Variants in LYRM4 observed in about 807,000 individuals in gnomAD.
LYRM4 encodes LYR motif containing 4.
LYRM4 carries 9 observed loss-of-function variants against 11.7 expected under a neutral mutation model. That is an observed-to-expected ratio of 0.77 (90% CI 0.46 to 1.34). LYRM4 has a LOEUF of 1.34. Among genes scored for constraint, LYRM4 ranks in the 40% most tolerant of loss-of-function variants. The pLI, the probability that LYRM4 is intolerant of heterozygous loss-of-function variation, is 0.00. For synonymous variants in LYRM4, 42 were observed against 40.4 expected (o/e 1.04, Z -0.15); for missense variants, 133 against 112.5 (o/e 1.18, Z -0.82).
At chr6:5,129,836 C>A (rs1763867483) in intron 2 of LYRM4, among the ~76,000 whole-genome samples, 1 of 152,188 alleles carries the variant, frequency 6.6e-6, no homozygotes, top group African/African-American at 2.4e-5. Flanking sequence ...ACTCCACCAG[C>A]CACACTGAAG....
chr6:5,225,068 G>A (rs1441264476), intron 1 of LYRM4, among the ~76,000 whole-genome samples: 1 of 152,032 alleles, frequency 6.6e-6, no homozygotes. Flanking sequence ...GGCCAACATG[G>A]AGAAACCCCG....
At chr6:5,240,177 A>C (rs1057200622) in intron 1 of LYRM4, among the ~76,000 whole-genome samples, 1 of 151,734 alleles carries the variant, frequency 6.6e-6, no homozygotes, top group Non-Finnish European at 1.5e-5. Context: ...AGTACATCCA[A>C]CCTTTCCAGG....
chr6:5,240,526 C>T (rs200673433), intron 1 of LYRM4: 1 of 151,938 alleles, frequency 6.6e-6, no homozygotes, highest in Non-Finnish European at 1.5e-5. Flanking sequence ...TCTGTTTTAC[C>T]CTGTTTTAAA....
At chr6:5,117,790 C>A (rs1763190338) in intron 2 of LYRM4, among the ~76,000 whole-genome samples, 1 of 152,026 alleles carries the variant, frequency 6.6e-6, no homozygotes. Context: ...GTTGCTTGAG[C>A]CCAGGAGTTC....
At chr6:5,090,491 A>G in the LYRM4 span, among the ~76,000 whole-genome samples, 1 of 152,200 alleles carries the variant, frequency 6.6e-6, no homozygotes, top group African/African-American at 2.4e-5. The surrounding 1 kb of genome is among the most constrained non-coding windows in gnomAD (Gnocchi z 4.8). Context: ...GAGACACTGG[A>G]AGTCTCTGTC....
intron 2 of LYRM4, among the ~76,000 whole-genome samples, chr6:5,204,655 T>C (rs144437832): frequency 6.6e-6 from 1 of 152,292 alleles, no homozygotes; most frequent in Non-Finnish European, 1.5e-5. Context: ...CTCTCCTGCA[T>C]GCTCTTTCCC....
At chr6:5,190,550 C>G (rs1193274434) in intron 2 of LYRM4, among the ~76,000 whole-genome samples, 5 of 152,186 alleles carry the variant, frequency 3.3e-5, no homozygotes, top group Non-Finnish European at 7.3e-5. Context: ...TTGACTATCT[C>G]TCATGTGACT....
intron 2 of LYRM4, among the ~76,000 whole-genome samples, chr6:5,163,246 G>A (rs1190349693): frequency 6.6e-6 from 1 of 152,160 alleles, no homozygotes; most frequent in African/African-American, 2.4e-5. Context: ...TATGGTATGA[G>A]GAAGGGGTCA....
chr6:5,249,727 T>C lies in LYRM4; in HGVS notation c.86+10921A>G, dbSNP rs116643101. Among the ~76,000 whole-genome samples, 817 of 152,342 alleles carry C rather than the reference T, an allele frequency of 5.4e-3. 9 individuals carry two copies. Among genetic ancestry groups the C allele is most frequent in the African/African-American group, 0.018 (732 of 41,574 alleles). On this transcript the variant is annotated intron_variant, in intron 1 of 2. Transcript: ENST00000330636. ...ATCTAGAAACTCTCAGCTTGGTTCA[T>C]GTAACTTACCTAGTTTTATTACTTC...
At chr6:5,188,147 TG>T (rs1013977381) in intron 2 of LYRM4, among the ~76,000 whole-genome samples, 1 of 152,074 alleles carries the variant, frequency 6.6e-6, no homozygotes, top group African/African-American at 2.4e-5. Flanking sequence ...CCCAGGAGTT[TG>T]AGACCAGCCT....
intron 2 of LYRM4, among the ~76,000 whole-genome samples, chr6:5,164,543 T>A (rs1169499337): frequency 6.6e-6 from 1 of 152,148 alleles, no homozygotes; most frequent in African/African-American, 2.4e-5. Flanking sequence ...ACCAACCTAT[T>A]TCAGAAGTCA....
chr6:5,125,821 C>T (rs1763674895), intron 2 of LYRM4, among the ~76,000 whole-genome samples: 1 of 152,276 alleles, frequency 6.6e-6, no homozygotes, highest in East Asian at 1.9e-4. Flanking sequence ...CCTCTGAATC[C>T]CACAAACTCA....
At chr6:5,240,312 C>T (rs145693448) in intron 1 of LYRM4, among the ~76,000 whole-genome samples, 67 of 152,250 alleles carry the variant, frequency 4.4e-4, no homozygotes, top group African/African-American at 1.5e-3. Flanking sequence ...ATTAACACTA[C>T]TCCCCCTCCT....
the LYRM4 span, among the ~76,000 whole-genome samples, chr6:5,095,717 C>A: frequency 6.6e-6 from 1 of 152,174 alleles, no homozygotes; most frequent in African/African-American, 2.4e-5. Flanking sequence ...GTGGCTCACA[C>A]CTATAATCCC....
intron 2 of LYRM4, among the ~76,000 whole-genome samples, chr6:5,194,584 G>A (rs887399407): frequency 6.6e-6 from 1 of 152,220 alleles, no homozygotes; most frequent in Non-Finnish European, 1.5e-5. Context: ...GCATTGTTAA[G>A]TCCTATAAAA....
intron 2 of LYRM4, among the ~76,000 whole-genome samples, chr6:5,120,842 G>A (rs1763421557): frequency 6.6e-6 from 1 of 152,172 alleles, no homozygotes; most frequent in Non-Finnish European, 1.5e-5. Flanking sequence ...ACTGATTGGT[G>A]CATTTTACAA....
chr6:5,225,405 G>A (rs2127735310), intron 1 of LYRM4, among the ~76,000 whole-genome samples: 1 of 152,210 alleles, frequency 6.6e-6, no homozygotes, highest in African/African-American at 2.4e-5. Flanking sequence ...CAGCTTTCTG[G>A]AGACATTAGG....
intron 2 of LYRM4, among the ~76,000 whole-genome samples, chr6:5,137,397 C>G (rs1265806057): frequency 6.6e-6 from 1 of 152,038 alleles, no homozygotes; most frequent in East Asian, 1.9e-4. Flanking sequence ...CTTTTTAAGC[C>G]CCAACATAGA....
At position 5,144,624 on chromosome 6, in the gene LYRM4, C is replaced by CAAAAAAAAAAA. The variant is rs71540849; in HGVS notation, c.208-35144_208-35134dup. Among the ~76,000 whole-genome samples, 41 of 37,602 alleles carry CAAAAAAAAAAA rather than the reference C, an allele frequency of 1.1e-3. 1 individual carries two copies. Among genetic ancestry groups the CAAAAAAAAAAA allele is most frequent in the Non-Finnish European group, 1.7e-3 (35 of 20,960 alleles). 24.7% of individuals were successfully genotyped at this position (37,602 alleles called of 152,430 possible). The stretch of plus-strand genomic sequence containing the variant: ...TGGGCGACACAGCGAGACTCCGTCT[C>CAAAAAAAAAAA]AAAAAAAAAAAAAAAAAAAAAAAAA... On this transcript the variant is annotated intron_variant, in intron 2 of 2. Coordinates refer to ENST00000330636, the MANE Select transcript of LYRM4 (RefSeq NM_020408.6).
Sources: allele counts gnomAD v4.1 joint callset (sites outside exome capture counted in the v4.1 genomes callset), GRCh38; gene constraint gnomAD v4.1.1; non-coding constraint Gnocchi (gnomAD v3.1); transcripts MANE v1.5; gene names NCBI Gene and HGNC (gene_info 2026-07-23, HGNC 2026-07-21).